LYN: variants seen among roughly 807,000 people sequenced by gnomAD.
LYN encodes the protein LYN proto-oncogene, Src family tyrosine kinase.
Under a neutral mutation model 65.0 loss-of-function variants are expected in LYN, and 12 were observed. The observed-to-expected ratio is 0.18, with a 90% CI of 0.12 to 0.30. The LOEUF is 0.30. Ranked by LOEUF, LYN falls within the 10% of genes least tolerant of loss-of-function variation. The probability of loss-of-function intolerance (pLI) is 1.00; values close to 1 mark genes in which losing one functional copy is unlikely to be tolerated. For missense variants in LYN, 380 were observed against 623.2 expected, an observed-to-expected ratio of 0.61 and a Z score of 4.16; for synonymous variants, 222 against 221.2, an observed-to-expected ratio of 1.00 and a Z score of -0.03.
intron 1 of LYN, among the ~76,000 whole-genome samples, chr8:55,894,734 C>G (rs1438459622): frequency 6.6e-6 from 1 of 152,096 alleles, no homozygotes; most frequent in Admixed American, 6.6e-5. Context: ...GGGGTTTTGC[C>G]GTGTTGGCCA....
At chr8:56,009,868 C>A (rs745698246) in intron 12 of LYN, 40 bp from the exon 13 acceptor site, 2 of 1,561,494 alleles carry the variant, frequency 1.3e-6, no homozygotes, top group Non-Finnish European at 1.8e-6. Flanking sequence ...GGTTTCTAAA[C>A]GGCATGGGTT....
chr8:55,979,730 C>G (rs1807864024), intron 10 of LYN, among the ~76,000 whole-genome samples: 2 of 152,212 alleles, frequency 1.3e-5, no homozygotes, highest in African/African-American at 4.8e-5. Flanking sequence ...CACCCTGATT[C>G]AGCGTCACCC....
Position 55,950,540 on chromosome 8 carries a change from C to T in LYN, c.366C>T (p.Asn122=). 6.2e-7 allele frequency: 1 copy of T among 1,613,690 alleles called. No homozygotes were observed. The highest frequency in any genetic ancestry group is 8.5e-7 in the Non-Finnish European group (1 of 1,179,842). ...FIPSNYVAKL[N]TLETEEWFFK... is the part of the protein sequence containing the mutation. The stretch of plus-strand genomic sequence containing the variant: ...CCAGCAACTATGTGGCCAAACTCAA[C>T]ACCTTAGAAACAGAAGAGTGAGTCC... Residue 122 remains asparagine, a synonymous_variant, in exon 5 of 13, where the codon AAC becomes AAT. Coordinates refer to ENST00000519728, the MANE Select transcript of LYN (RefSeq NM_002350.4).
intron 10 of LYN, among the ~76,000 whole-genome samples, chr8:55,979,050 C>CTTT (rs11287133): frequency 4.0e-4 from 30 of 74,230 alleles, no homozygotes; most frequent in African/African-American, 7.6e-4. Flanking sequence ...ACTTCTCATT[C>CTTT]TTTTTTTTTT....
rs1361747491 is a variant in LYN at position 55,928,697 on chromosome 8, TAAGA to T, written c.-5-13154_-5-13151del. 3.9e-5 allele frequency among the ~76,000 whole-genome samples: 6 copies of T among 152,322 alleles called. 1 individual carries two copies. In the East Asian group the frequency reaches 9.6e-4, roughly 24 times the overall value. On this transcript the variant is annotated intron_variant, in intron 1 of 12. Transcript: ENST00000519728. ...TCTGTGGCTTGTCTTTTTATTTTCTTAAGAAAGTGTCTTTCACAGAGCAGAAGTT... is the reference window on the plus strand; with the variant it reads ...TCTGTGGCTTGTCTTTTTATTTTCTTAAGTGTCTTTCACAGAGCAGAAGTT...
At chr8:56,002,375 C>A (rs568034406) in intron 12 of LYN, among the ~76,000 whole-genome samples, 2 of 151,246 alleles carry the variant, frequency 1.3e-5, no homozygotes, top group Admixed American at 6.6e-5. Flanking sequence ...GCTGAGATCG[C>A]GCCACTGCAA....
chr8:55,904,302 G>A (rs1209574911), intron 1 of LYN, among the ~76,000 whole-genome samples: 11 of 152,014 alleles, frequency 7.2e-5, no homozygotes, highest in African/African-American at 1.4e-4. Context: ...TTTGGCTGTC[G>A]GGTTGATGGA....
chr8:55,912,237 G>C (rs528228772), intron 1 of LYN, among the ~76,000 whole-genome samples: 1 of 152,288 alleles, frequency 6.6e-6, no homozygotes, highest in South Asian at 2.1e-4. Context: ...CTTTTGCAAT[G>C]TATCATTAAG....
At chr8:55,900,922 T>C (rs1379742023) in intron 1 of LYN, among the ~76,000 whole-genome samples, 4 of 152,154 alleles carry the variant, frequency 2.6e-5, no homozygotes, top group Non-Finnish European at 5.9e-5. Context: ...AAGGTTCTAG[T>C]TGAGAGTTTA....
At chr8:55,963,555 C>T (rs531524491) in intron 8 of LYN, among the ~76,000 whole-genome samples, 2 of 152,320 alleles carry the variant, frequency 1.3e-5, no homozygotes, top group South Asian at 2.1e-4. Context: ...TCCAGAGTCC[C>T]TCCCAAGGGG....
chr8:55,940,670 G>T (rs1035741569), intron 1 of LYN, among the ~76,000 whole-genome samples: 8 of 152,164 alleles, frequency 5.3e-5, no homozygotes, highest in Non-Finnish European at 1.0e-4. Context: ...CACCGCGCCC[G>T]GCTGTTTTGT....
At chr8:55,890,190 T>G (rs1057415461) in intron 1 of LYN, among the ~76,000 whole-genome samples, 3 of 150,406 alleles carry the variant, frequency 2.0e-5, no homozygotes, top group African/African-American at 7.3e-5. Flanking sequence ...TGTAATCCTA[T>G]AGTCTCAACT....
At chr8:55,966,087 T>C (rs1807447727) in intron 8 of LYN, among the ~76,000 whole-genome samples, 1 of 152,070 alleles carries the variant, frequency 6.6e-6, no homozygotes, top group African/African-American at 2.4e-5. Flanking sequence ...ATCGTGCCAC[T>C]ACACTCCAGC....
chr8:55,897,666 C>A (rs928142087), intron 1 of LYN, among the ~76,000 whole-genome samples: 14 of 152,120 alleles, frequency 9.2e-5, no homozygotes, highest in African/African-American at 3.4e-4. Context: ...AATGCTAGCA[C>A]TTTGGGAGGC....
At chr8:55,984,701 G>T (rs1040192701) in intron 10 of LYN, among the ~76,000 whole-genome samples, 1 of 152,200 alleles carries the variant, frequency 6.6e-6, no homozygotes, top group Non-Finnish European at 1.5e-5. Context: ...TGGTCACACA[G>T]CAGTCAGAGC....
At chr8:55,903,051 A>G (rs1207301932) in intron 1 of LYN, among the ~76,000 whole-genome samples, 1 of 152,158 alleles carries the variant, frequency 6.6e-6, no homozygotes, top group Non-Finnish European at 1.5e-5. Context: ...GTTTCACCAT[A>G]TCGGCCAGGC....
At chr8:55,948,406 C>T (rs16922462) in intron 4 of LYN, among the ~76,000 whole-genome samples, 35,020 of 152,066 alleles carry the variant, frequency 0.23, 4,941 homozygotes, top group African/African-American at 0.39. Context: ...CCCAGCCTAG[C>T]TTGAGTTCTA....
chr8:55,983,625 C>T (rs1807992602), intron 10 of LYN, among the ~76,000 whole-genome samples: 1 of 150,848 alleles, frequency 6.6e-6, no homozygotes, highest in Non-Finnish European at 1.5e-5. Flanking sequence ...GGGCACCCAT[C>T]TCTCAGCATC....
At chr8:55,922,316 C>T (rs1477662585) in intron 1 of LYN, among the ~76,000 whole-genome samples, 1 of 152,084 alleles carries the variant, frequency 6.6e-6, no homozygotes, top group Admixed American at 6.5e-5. Context: ...CCTCAAACTC[C>T]TGGGCTCAAG....
Sources: gnomAD v4.1 joint callset for allele counts (sites outside exome capture counted in the v4.1 genomes callset) on GRCh38, gnomAD v4.1.1 for gene constraint, MANE v1.5 for transcripts, NCBI Gene and HGNC (gene_info 2026-07-23, HGNC 2026-07-21) for gene names.